TMEM135: variants seen among roughly 807,000 people sequenced by gnomAD.
TMEM135 encodes the protein peroxisomal membrane protein 52.
TMEM135 carries 30 observed loss-of-function variants against 60.3 expected under a neutral mutation model. That is an observed-to-expected ratio of 0.50 (90% CI 0.37 to 0.68). TMEM135 has a LOEUF of 0.68. Among genes scored for constraint, TMEM135 ranks in the 30% least tolerant of loss-of-function variants. The pLI is 0.00. For missense variants in TMEM135, 468 were observed against 548.8 expected (o/e 0.85, Z 1.47); for synonymous variants, 190 against 186.7 (o/e 1.02, Z -0.14).
intron 5 of TMEM135, among the ~76,000 whole-genome samples, chr11:87,213,472 CAGTG>C (rs1322950043): frequency 1.3e-5 from 2 of 152,258 alleles, no homozygotes; most frequent in East Asian, 3.9e-4. Context: ...CTTCTAGAGT[CAGTG>C]AGGGAGCACA....
At chr11:87,115,439 A>G (rs1300495156) in intron 4 of TMEM135, among the ~76,000 whole-genome samples, 1 of 152,142 alleles carries the variant, frequency 6.6e-6, no homozygotes, top group Admixed American at 6.6e-5. Flanking sequence ...CATCAGAGCT[A>G]TGATTTCCCC....
chr11:87,238,056 T>C (rs1221453337), intron 6 of TMEM135, among the ~76,000 whole-genome samples: 1 of 151,996 alleles, frequency 6.6e-6, no homozygotes, highest in Non-Finnish European at 1.5e-5. Flanking sequence ...TTTATTTATT[T>C]ATTCATCTGT....
chr11:87,310,771 A>G (rs1942627322), intron 10 of TMEM135, among the ~76,000 whole-genome samples: 1 of 151,520 alleles, frequency 6.6e-6, no homozygotes, highest in African/African-American at 2.4e-5. Flanking sequence ...CCCAGCCTCT[A>G]TGACTGTGAA....
intron 3 of TMEM135, among the ~76,000 whole-genome samples, chr11:87,080,190 T>G (rs527694608): frequency 7.2e-6 from 1 of 138,292 alleles, no homozygotes; most frequent in African/African-American, 2.8e-5. Context: ...TTTTTTGATA[T>G]CAACAAGGAC....
intron 6 of TMEM135, among the ~76,000 whole-genome samples, chr11:87,272,051 C>CTTTTTTTTTTTTTTTT (rs773654603): frequency 2.5e-5 from 2 of 81,136 alleles, no homozygotes; most frequent in Admixed American, 1.3e-4. Context: ...TTTTTCTTTT[C>CTTTTTTTTTTTTTTTT]TTTTTTTTTT....
At position 87,226,364 on chromosome 11, in the gene TMEM135, T is replaced by C. The variant is rs182478924; in HGVS notation, c.463-10274T>C. On this transcript the variant is annotated intron_variant, in intron 5 of 14. Coordinates refer to ENST00000305494, the MANE Select transcript of TMEM135 (RefSeq NM_022918.4). ...GAATGATTTCTTGTCTTGATTGTTA[T>C]TTGACCATTGAATTTTCTTTTATAT... Among the ~76,000 whole-genome samples the C allele has an allele frequency of 6.6e-5, 10 of 152,334 alleles. 1 individual carries two copies. Among genetic ancestry groups the C allele is most frequent in the South Asian group, 6.2e-4 (3 of 4,824 alleles).
At chr11:87,054,466 A>G (rs1185743690) in intron 1 of TMEM135, among the ~76,000 whole-genome samples, 1 of 152,154 alleles carries the variant, frequency 6.6e-6, no homozygotes, top group Non-Finnish European at 1.5e-5. Flanking sequence ...AAAAATATTT[A>G]GTAAAATGGA....
At chr11:87,043,457 G>A (rs1003570363) in intron 1 of TMEM135, among the ~76,000 whole-genome samples, 5 of 152,004 alleles carry the variant, frequency 3.3e-5, no homozygotes, top group Admixed American at 3.3e-4. Flanking sequence ...TGGGTGCGGT[G>A]TCTGACGCCT....
rs1215299187 is a variant in TMEM135, at chr11:87,280,946, AT to A, written c.510-14833del. 2.0e-5 allele frequency among the ~76,000 whole-genome samples: 3 copies of A among 152,150 alleles called. No homozygotes were observed. The East Asian group carries it at 5.8e-4, about 29-fold the overall frequency. On this transcript the variant is annotated intron_variant, in intron 6 of 14. Coordinates refer to ENST00000305494, the MANE Select transcript of TMEM135 (RefSeq NM_022918.4). ...CCGTATCCGCCTTCCTGCCTTTTGG[AT>A]TTGATAAATTCATACTATAATCACT...
intron 6 of TMEM135, among the ~76,000 whole-genome samples, chr11:87,289,395 A>G (rs1942224668): frequency 2.7e-5 from 4 of 150,008 alleles, no homozygotes; most frequent in African/African-American, 4.9e-5. Flanking sequence ...TATTTCTCCT[A>G]CATAGCTGTG....
chr11:87,172,291 A>G (rs990575271), intron 5 of TMEM135, among the ~76,000 whole-genome samples: 1 of 152,194 alleles, frequency 6.6e-6, no homozygotes, highest in African/African-American at 2.4e-5. Flanking sequence ...AACTCAAGGA[A>G]GGTACACTCT....
At chr11:87,227,346 G>A (rs1451205171) in intron 5 of TMEM135, among the ~76,000 whole-genome samples, 2 of 151,786 alleles carry the variant, frequency 1.3e-5, no homozygotes, top group African/African-American at 2.4e-5. Flanking sequence ...TCTTTTTATG[G>A]GTGAAAAATT....
At chr11:87,206,511 A>C (rs556658217) in intron 5 of TMEM135, among the ~76,000 whole-genome samples, 9 of 152,300 alleles carry the variant, frequency 5.9e-5, no homozygotes, top group African/African-American at 1.9e-4. Context: ...ATTGAAAAAA[A>C]CAGTATAAAA....
chr11:87,231,392 A>G (rs935821992), intron 5 of TMEM135, among the ~76,000 whole-genome samples: 4 of 152,194 alleles, frequency 2.6e-5, no homozygotes, highest in African/African-American at 7.2e-5. Flanking sequence ...AAAGATTCAC[A>G]TGGCATTGGG....
intron 5 of TMEM135, among the ~76,000 whole-genome samples, chr11:87,201,159 A>T (rs1368893870): frequency 6.6e-6 from 1 of 152,142 alleles, no homozygotes; most frequent in East Asian, 1.9e-4. Flanking sequence ...CTTTCCCAAG[A>T]TCATATTGGT....
chr11:87,104,494 G>T (rs1350942814), intron 4 of TMEM135, among the ~76,000 whole-genome samples: 1 of 152,098 alleles, frequency 6.6e-6, no homozygotes, highest in African/African-American at 2.4e-5. Context: ...TTTCAGTAAG[G>T]ATTGCATTGA....
intron 5 of TMEM135, among the ~76,000 whole-genome samples, chr11:87,221,051 G>A (rs551848924): frequency 1.3e-5 from 2 of 152,146 alleles, no homozygotes; most frequent in Non-Finnish European, 2.9e-5. Flanking sequence ...TTGTCATAAA[G>A]TTTAAGGTAA....
At chr11:87,127,777 G>C (rs1168607819) in intron 4 of TMEM135, among the ~76,000 whole-genome samples, 1 of 152,028 alleles carries the variant, frequency 6.6e-6, no homozygotes, top group Non-Finnish European at 1.5e-5. Context: ...CAGCATGTCT[G>C]TTCCTAGTTT....
intron 6 of TMEM135, among the ~76,000 whole-genome samples, chr11:87,268,110 G>T (rs748811192): frequency 6.7e-6 from 1 of 148,234 alleles, no homozygotes; most frequent in Non-Finnish European, 1.5e-5. Flanking sequence ...TTTTTTGCCC[G>T]GCCCTCCCCT....
Sources: gnomAD v4.1 joint callset for allele counts (sites outside exome capture counted in the v4.1 genomes callset) on GRCh38, gnomAD v4.1.1 for gene constraint, MANE v1.5 for transcripts, NCBI Gene and HGNC (gene_info 2026-07-23, HGNC 2026-07-21) for gene names.